Variants in DCLK3 observed in about 807,000 individuals in gnomAD.
DCLK3 encodes doublecortin like kinase 3.
In DCLK3, 30 loss-of-function variants were observed where a neutral mutation model predicts 46.4. The ratio of observed to expected loss-of-function variants is 0.65; its 90% CI spans 0.48 to 0.88. DCLK3 has a LOEUF of 0.88. Among genes scored for constraint, DCLK3 ranks in the 40% least tolerant of loss-of-function variants. The pLI, the probability that DCLK3 is intolerant of heterozygous loss-of-function variation, is 0.00. For missense variants in DCLK3, 846 were observed against 907.1 expected, an observed-to-expected ratio of 0.93 and a Z score of 0.87; for synonymous variants, 401 against 339.2, an observed-to-expected ratio of 1.18 and a Z score of -2.00.
intron 1 of DCLK3, among the ~76,000 whole-genome samples, chr3:36,751,604 G>A (rs938998030): frequency 5.3e-5 from 8 of 152,244 alleles, no homozygotes; most frequent in African/African-American, 1.9e-4. Context: ...AACACAGACT[G>A]TTGCCTTCAG....
rs77107223 is a variant in DCLK3 at position 36,732,933 on chromosome 3, C to A, written c.1959+4275G>T. Among the ~76,000 whole-genome samples the A allele has an allele frequency of 6.9e-3, 1,050 of 152,212 alleles. 13 individuals are homozygous for A. Among genetic ancestry groups the A allele is most frequent in the African/African-American group, 0.024 (981 of 41,524 alleles). On this transcript the variant is annotated intron_variant, in intron 2 of 4. Transcript: ENST00000636136. ...GAAAAAGAACTTACAGAATTCAGACCAAGAAAGTGATTGAACAGGTTCATG... is the reference window on the plus strand; with the variant it reads ...GAAAAAGAACTTACAGAATTCAGACAAAGAAAGTGATTGAACAGGTTCATG...
intron 1 of DCLK3, among the ~76,000 whole-genome samples, chr3:36,757,697 G>T (rs1390958966): frequency 2.0e-5 from 3 of 152,134 alleles, no homozygotes; most frequent in Admixed American, 6.5e-5. Flanking sequence ...GAAAAGATGG[G>T]ATGGTGAATA....
chr3:36,732,738 C>A (rs973910231), intron 2 of DCLK3, among the ~76,000 whole-genome samples: 3 of 152,060 alleles, frequency 2.0e-5, no homozygotes, highest in Admixed American at 6.6e-5. Flanking sequence ...AATACTTGGA[C>A]TATTAATGAG....
chr3:36,727,202 T>C (rs1434500777), intron 2 of DCLK3, among the ~76,000 whole-genome samples: 2 of 152,042 alleles, frequency 1.3e-5, no homozygotes, highest in Non-Finnish European at 2.9e-5. Flanking sequence ...GGCAGGAGAA[T>C]CACTTGAACC....
intron 1 of DCLK3, among the ~76,000 whole-genome samples, chr3:36,760,513 T>G (rs1355817261): frequency 6.6e-6 from 1 of 151,706 alleles, no homozygotes; most frequent in Non-Finnish European, 1.5e-5. Flanking sequence ...CATTAGGAGA[T>G]ATACCTAATG....
chr3:36,736,014 T>C (rs1291150539), intron 2 of DCLK3, among the ~76,000 whole-genome samples: 1 of 152,198 alleles, frequency 6.6e-6, no homozygotes, highest in Non-Finnish European at 1.5e-5. Context: ...AAGAAGAAAG[T>C]GGGTGAACGT....
At chr3:36,762,225 C>G (rs1326754559) in intron 1 of DCLK3, among the ~76,000 whole-genome samples, 1 of 152,176 alleles carries the variant, frequency 6.6e-6, no homozygotes, top group Non-Finnish European at 1.5e-5. Flanking sequence ...CATACAAAGG[C>G]ACCCTACAGG....
At chr3:36,730,153 G>C (rs1002829410) in intron 2 of DCLK3, among the ~76,000 whole-genome samples, 3 of 151,710 alleles carry the variant, frequency 2.0e-5, no homozygotes, top group African/African-American at 7.3e-5. Context: ...CTGGGTGACA[G>C]AGTCAGACTG....
intron 1 of DCLK3, among the ~76,000 whole-genome samples, chr3:36,760,972 G>C (rs746596507): frequency 6.6e-6 from 1 of 152,196 alleles, no homozygotes; most frequent in Non-Finnish European, 1.5e-5. Flanking sequence ...GGTTTGAGGG[G>C]CCAGAGCCCA....
At position 36,714,013 on chromosome 3, in the gene DCLK3, G is replaced by A. The variant is rs1700943703; in HGVS notation, c.*1315C>T. The A allele has an allele frequency of 1.3e-5, 2 of 152,222 alleles. No homozygotes were observed. The highest frequency in any genetic ancestry group is 1.3e-4 in the Admixed American group (2 of 15,280). 9.4% of individuals were successfully genotyped at this position (152,222 alleles called of 1,614,324 possible). A position where few individuals can be genotyped will look rare whatever the true frequency, so the allele number is the denominator to read the frequency against. ...TTCCCTTCAGTCTTGGAGGACCTGA[G>A]TGGCATACTACAGTGTCCACTACAA... On this transcript the variant is annotated 3_prime_UTR_variant, in exon 5 of 5. Coordinates refer to ENST00000636136, the MANE Select transcript of DCLK3 (RefSeq NM_001394672.2).
chr3:36,732,358 T>C (rs1701208867), intron 2 of DCLK3, among the ~76,000 whole-genome samples: 1 of 152,222 alleles, frequency 6.6e-6, no homozygotes, highest in Non-Finnish European at 1.5e-5. Context: ...TCTGCCTATG[T>C]GGCCAAACCC....
At chr3:36,724,582 C>A (rs1451984634) in intron 2 of DCLK3, among the ~76,000 whole-genome samples, 4 of 151,972 alleles carry the variant, frequency 2.6e-5, no homozygotes, top group African/African-American at 9.7e-5. Context: ...CTCATGATAG[C>A]GAATCAGTCT....
rs1700930860 is a variant in DCLK3, at chr3:36,713,148, A to AGTG, written c.*2177_*2179dup. The stretch of plus-strand genomic sequence containing the variant: ...ATTTTAGCTATTCTAATGGGTGTAT[A>AGTG]GTGATATTTCATTGTGATTTTAATT... On this transcript the variant is annotated 3_prime_UTR_variant, in exon 5 of 5. Transcript: ENST00000636136. 6.6e-6 allele frequency: 1 copy of AGTG among 152,176 alleles called. No homozygotes were observed. The highest frequency in any genetic ancestry group is 1.5e-5 in the Non-Finnish European group (1 of 68,030). The allele number at this position is 152,176 out of a possible 1,614,324, so 9.4% of individuals were successfully genotyped here.
chr3:36,747,794 G>A (rs981989641), intron 1 of DCLK3, among the ~76,000 whole-genome samples: 3 of 152,044 alleles, frequency 2.0e-5, no homozygotes, highest in Non-Finnish European at 4.4e-5. Context: ...TCCCCTTTAC[G>A]ACCCAAAGTG....
intron 1 of DCLK3, among the ~76,000 whole-genome samples, chr3:36,759,308 G>T (rs868079964): frequency 6.6e-6 from 1 of 152,020 alleles, no homozygotes; most frequent in Non-Finnish European, 1.5e-5. Flanking sequence ...AATTAGTTCT[G>T]ACCAATGGGC....
intron 2 of DCLK3, among the ~76,000 whole-genome samples, chr3:36,721,860 T>C (rs1231918166): frequency 6.6e-6 from 1 of 152,218 alleles, no homozygotes. Context: ...ATGAGTTAGA[T>C]TTACTAGGCC....
Position 36,718,179 on chromosome 3 carries a change from T to A in DCLK3, c.2093-2A>T. ...ACATGTCCACCTCCAGTCCATAACC[T>A]GCGCAGACAGAGGCAGAGACACAAG... On this transcript the variant is annotated splice_acceptor_variant, in intron 3 of 4. Coordinates refer to ENST00000636136, the MANE Select transcript of DCLK3 (RefSeq NM_001394672.2). LOFTEE classifies it high-confidence loss of function. The A allele has an allele frequency of 6.2e-7, 1 of 1,613,784 alleles. No individual in the cohort carries two copies. Among genetic ancestry groups the A allele is most frequent in the Non-Finnish European group, 8.5e-7 (1 of 1,179,962 alleles).
intron 1 of DCLK3, among the ~76,000 whole-genome samples, chr3:36,750,144 A>C (rs929336619): frequency 6.6e-5 from 10 of 152,162 alleles, no homozygotes; most frequent in African/African-American, 2.4e-4. Context: ...GCAGTGGCGC[A>C]ATCTTGGCTC....
chr3:36,738,147 C>T lies in DCLK3; in HGVS notation c.1020G>A (p.Met340Ile), dbSNP rs559787280. ...TSELDMGKGP[M>I]YDVEKLVRTR... Reference sequence around the variant, plus strand: ...TCCTCACCAGCTTCTCCACATCATACATTGGGCCCTTCCCCATATCCAGCT... The same window carrying T: ...TCCTCACCAGCTTCTCCACATCATATATTGGGCCCTTCCCCATATCCAGCT... The change falls in exon 2 of 5, where the codon ATG becomes ATA. Residue 340 changes from methionine to isoleucine, a missense_variant. Met to Ile is a conservative substitution (Grantham distance 10). This residue lies in a region of DCLK3 where 553 missense variants were observed against 543.0 expected (regional missense o/e 1.02). Transcript: ENST00000636136. 5.0e-6 allele frequency: 8 copies of T among 1,613,982 alleles called. No homozygotes were observed. In the Admixed American group the frequency reaches 5.0e-5, roughly 10 times the overall value.
Sources: allele counts gnomAD v4.1 joint callset (sites outside exome capture counted in the v4.1 genomes callset), GRCh38; gene constraint gnomAD v4.1.1; regional missense constraint gnomAD v4.1.1; transcripts MANE v1.5; gene names NCBI Gene and HGNC (gene_info 2026-07-23, HGNC 2026-07-21).